The following PTPRM variants were observed in gnomAD, a reference collection of about 807,000 sequenced individuals.
PTPRM encodes receptor-type tyrosine-protein phosphatase mu.
In PTPRM, 47 loss-of-function variants were observed where a neutral mutation model predicts 186.7. The ratio of observed to expected loss-of-function variants is 0.25; its 90% CI spans 0.20 to 0.32. The LOEUF is 0.32. PTPRM is among the 10% of genes least tolerant of loss of function. The pLI is 1.00. For missense variants in PTPRM, 1,494 were observed against 1,865.0 expected, an observed-to-expected ratio of 0.80 and a Z score of 3.66; for synonymous variants, 668 against 674.9, an observed-to-expected ratio of 0.99 and a Z score of 0.16.
chr18:8,128,366 C>T (rs1568387893), intron 13 of PTPRM, among the ~76,000 whole-genome samples: 1 of 152,050 alleles, frequency 6.6e-6, no homozygotes, highest in Admixed American at 6.6e-5. Flanking sequence ...GTTTCAGCTA[C>T]GGAAGTTAAT....
intron 1 of PTPRM, among the ~76,000 whole-genome samples, chr18:7,604,816 GGTGTACTTCAGCTGGT>G (rs2143785939): frequency 6.6e-6 from 1 of 152,284 alleles, no homozygotes; most frequent in Non-Finnish European, 1.5e-5. Context: ...AGCCAGCAAA[GGTGTACTTCAGCTGGT>G]GTCCCTATTT....
At chr18:8,285,619 A>G (rs2094948399) in intron 19 of PTPRM, among the ~76,000 whole-genome samples, 1 of 152,228 alleles carries the variant, frequency 6.6e-6, no homozygotes. Flanking sequence ...GTAGTCAAGC[A>G]GCACTGCCTG....
chr18:7,783,626 C>T (rs775815878), intron 2 of PTPRM, among the ~76,000 whole-genome samples: 8 of 151,884 alleles, frequency 5.3e-5, no homozygotes, highest in Non-Finnish European at 1.2e-4. Context: ...TGTTGGAGTG[C>T]AGTGGCGTGA....
At chr18:7,966,480 G>A (rs370292429) in intron 7 of PTPRM, among the ~76,000 whole-genome samples, 24 of 152,000 alleles carry the variant, frequency 1.6e-4, no homozygotes, top group East Asian at 1.4e-3. Context: ...GAACAGCTCC[G>A]GTCTACAGCT....
At chr18:7,854,022 T>C (rs866985267) in intron 2 of PTPRM, among the ~76,000 whole-genome samples, 1 of 152,224 alleles carries the variant, frequency 6.6e-6, no homozygotes, top group African/African-American at 2.4e-5. Flanking sequence ...AGTTGCAGAA[T>C]TGGCCATTTG....
intron 2 of PTPRM, among the ~76,000 whole-genome samples, chr18:7,860,476 G>T (rs887005298): frequency 6.6e-6 from 1 of 152,212 alleles, no homozygotes; most frequent in South Asian, 2.1e-4. Context: ...GGGGGCGGGG[G>T]TCTGTCTTGT....
At chr18:8,195,573 A>C (rs922875001) in intron 14 of PTPRM, among the ~76,000 whole-genome samples, 1 of 152,206 alleles carries the variant, frequency 6.6e-6, no homozygotes. Context: ...AGACTGAAAG[A>C]AGTCATGTCT....
rs1027401165 is a variant in PTPRM at position 8,384,810 on chromosome 18, A to G, written c.4044+124A>G. 4.1e-6 allele frequency: 5 copies of G among 1,219,504 alleles called. No homozygotes were observed. In the African/African-American group the frequency reaches 7.6e-5, roughly 18 times the overall value. The allele number at this position is 1,219,504 out of a possible 1,614,324, so 75.5% of individuals were successfully genotyped here. On this transcript the variant is annotated intron_variant, in intron 30 of 32. Transcript: ENST00000580170. ...GAGTTTGGAGTATGTCAGTGAACCAAAAAAACATAGATTCCTGACCTTATG... is the reference window on the plus strand; with the variant it reads ...GAGTTTGGAGTATGTCAGTGAACCAGAAAAACATAGATTCCTGACCTTATG...
chr18:8,353,022 T>C (rs2095544374), intron 23 of PTPRM, among the ~76,000 whole-genome samples: 1 of 152,180 alleles, frequency 6.6e-6, no homozygotes, highest in Non-Finnish European at 1.5e-5. Context: ...ACATTTTCTT[T>C]ATCCAGCCTA....
At chr18:7,735,351 TAGA>T (rs1441909980) in intron 1 of PTPRM, among the ~76,000 whole-genome samples, 1 of 152,024 alleles carries the variant, frequency 6.6e-6, no homozygotes, top group Non-Finnish European at 1.5e-5. Context: ...ACCTGGAAGG[TAGA>T]AGAAGTTGCA....
intron 14 of PTPRM, among the ~76,000 whole-genome samples, chr18:8,159,178 G>T (rs1407614043): frequency 6.6e-6 from 1 of 150,684 alleles, no homozygotes; most frequent in Non-Finnish European, 1.5e-5. Context: ...ATTGAGAAAG[G>T]AATATTTTGG....
chr18:8,235,181 TA>T (rs1366255922), intron 14 of PTPRM, among the ~76,000 whole-genome samples: 4 of 152,158 alleles, frequency 2.6e-5, no homozygotes, highest in African/African-American at 9.6e-5. Flanking sequence ...TGGTAGAATT[TA>T]ACAGTGAAAC....
At chr18:7,678,223 T>C (rs1201570342) in intron 1 of PTPRM, among the ~76,000 whole-genome samples, 1 of 152,136 alleles carries the variant, frequency 6.6e-6, no homozygotes, top group African/African-American at 2.4e-5. Context: ...AAGTGGGTAG[T>C]TAGGAAGTCC....
intron 13 of PTPRM, among the ~76,000 whole-genome samples, chr18:8,128,216 A>T (rs1177187341): frequency 6.6e-6 from 1 of 152,216 alleles, no homozygotes; most frequent in Non-Finnish European, 1.5e-5. Flanking sequence ...TGGCTAACTT[A>T]AAACTACCAT....
chr18:8,114,291 CT>C (rs1208614661), intron 12 of PTPRM, among the ~76,000 whole-genome samples: 1 of 152,110 alleles, frequency 6.6e-6, no homozygotes, highest in East Asian at 1.9e-4. Context: ...TTTGCTTCCC[CT>C]TCCTGCTCAG....
intron 19 of PTPRM, among the ~76,000 whole-genome samples, chr18:8,272,343 G>A (rs561573701): frequency 6.7e-4 from 101 of 151,072 alleles, no homozygotes; most frequent in African/African-American, 2.2e-3. Context: ...CTTTCTTTGA[G>A]TTTATTCTTT....
chr18:8,389,995 T>C (rs941181463), intron 31 of PTPRM, among the ~76,000 whole-genome samples: 7 of 152,228 alleles, frequency 4.6e-5, no homozygotes, highest in South Asian at 4.1e-4. Flanking sequence ...AGAATTAAGA[T>C]TTCACCACTT....
intron 2 of PTPRM, among the ~76,000 whole-genome samples, chr18:7,776,575 G>A (rs1000272636): frequency 1.3e-5 from 2 of 151,168 alleles, no homozygotes; most frequent in Non-Finnish European, 2.9e-5. Flanking sequence ...GAGCCCCAAT[G>A]TATGCTAAAC....
chr18:7,963,615 G>T (rs2053825561), intron 7 of PTPRM, among the ~76,000 whole-genome samples: 1 of 152,228 alleles, frequency 6.6e-6, no homozygotes, highest in Non-Finnish European at 1.5e-5. Flanking sequence ...ACACTGAGGA[G>T]GCCAGGAAAA....
Sources: gnomAD v4.1 joint callset for allele counts (sites outside exome capture counted in the v4.1 genomes callset) on GRCh38, gnomAD v4.1.1 for gene constraint, MANE v1.5 for transcripts, NCBI Gene and HGNC (gene_info 2026-07-23, HGNC 2026-07-21) for gene names.